The following SUCLG2 variants were observed in gnomAD, a reference collection of about 807,000 sequenced individuals.
The protein encoded by SUCLG2 is succinate-CoA ligase GDP-forming subunit beta.
SUCLG2 carries 42 observed loss-of-function variants against 47.9 expected under a neutral mutation model. The observed-to-expected ratio is 0.88, with a 90% CI of 0.69 to 1.14. The LOEUF (loss-of-function observed/expected upper bound fraction) is 1.14. Ranked by LOEUF, SUCLG2 falls within the 50% of genes most tolerant of loss-of-function variation. The pLI is 0.00. For missense variants in SUCLG2, 571 were observed against 525.9 expected, an observed-to-expected ratio of 1.09 and a Z score of -0.84; for synonymous variants, 195 against 197.3, an observed-to-expected ratio of 0.99 and a Z score of 0.10.
At chr3:67,432,843 C>G (rs950405153) in intron 9 of SUCLG2, among the ~76,000 whole-genome samples, 4 of 152,172 alleles carry the variant, frequency 2.6e-5, no homozygotes, top group African/African-American at 9.7e-5. Flanking sequence ...CGAAATGGAA[C>G]CTTTGTTATT....
chr3:67,649,087 G>C (rs1412853418), intron 1 of SUCLG2, among the ~76,000 whole-genome samples: 1 of 152,164 alleles, frequency 6.6e-6, no homozygotes, highest in Admixed American at 6.5e-5. Context: ...AAGGTAATTA[G>C]GAAAAAGCCT....
chr3:67,388,285 A>C (rs1039352250), intron 10 of SUCLG2, among the ~76,000 whole-genome samples: 12 of 152,202 alleles, frequency 7.9e-5, no homozygotes, highest in African/African-American at 2.9e-4. Flanking sequence ...TTACCGTAAG[A>C]ATCTGGGATC....
intron 2 of SUCLG2, among the ~76,000 whole-genome samples, chr3:67,560,302 C>T (rs935276322): frequency 6.6e-6 from 1 of 152,190 alleles, no homozygotes; most frequent in African/African-American, 2.4e-5. Flanking sequence ...GCTTCACAGC[C>T]TCAGAAGGGC....
chr3:67,613,210 A>G (rs561131624), intron 1 of SUCLG2, among the ~76,000 whole-genome samples: 2 of 152,180 alleles, frequency 1.3e-5, no homozygotes, highest in Admixed American at 1.3e-4. Flanking sequence ...GATGGAACCG[A>G]AAGTCCCAAC....
downstream of SUCLG2, among the ~76,000 whole-genome samples, chr3:67,371,295 A>G (rs1412939221): frequency 7.2e-5 from 11 of 152,238 alleles, no homozygotes; most frequent in Admixed American, 7.2e-4. Flanking sequence ...GAAATTTGGC[A>G]TAAGGTGCCT....
At chr3:67,589,846 T>C (rs1443181745) in intron 2 of SUCLG2, among the ~76,000 whole-genome samples, 2 of 152,282 alleles carry the variant, frequency 1.3e-5, no homozygotes, top group African/African-American at 4.8e-5. Flanking sequence ...GTGCTACATG[T>C]TCCTGCACTA....
rs201561209 is a variant in SUCLG2 at position 67,548,485 on chromosome 3, TTATTAGAGTTTAAAAA to T, written c.227-19315_227-19300del. Among the ~76,000 whole-genome samples the T allele has an allele frequency of 9.6e-4, 146 of 152,328 alleles. 1 individual carries two copies. The East Asian group carries it at 0.024, about 25-fold the overall frequency. On this transcript the variant is annotated intron_variant, in intron 2 of 10. Transcript: ENST00000307227. ...TTAAACTCTTCAGTATCCATATCAGTTATTAGAGTTTAAAAATATTAGAGTTTAAAAATATTAATTT... is the reference window on the plus strand; with the variant it reads ...TTAAACTCTTCAGTATCCATATCAGTTATTAGAGTTTAAAAATATTAATTT...
At chr3:67,525,105 T>C (rs1001609687) in intron 4 of SUCLG2, among the ~76,000 whole-genome samples, 2 of 152,044 alleles carry the variant, frequency 1.3e-5, no homozygotes, top group Non-Finnish European at 2.9e-5. Flanking sequence ...CTGAAAACAA[T>C]ACAATGCTGA....
intron 9 of SUCLG2, among the ~76,000 whole-genome samples, chr3:67,454,701 G>T (rs1162215355): frequency 6.6e-6 from 1 of 152,144 alleles, no homozygotes. Flanking sequence ...GGTGGCTCAT[G>T]CCTGTAATCC....
chr3:67,430,412 G>C (rs1395987845), intron 9 of SUCLG2, among the ~76,000 whole-genome samples: 5 of 152,100 alleles, frequency 3.3e-5, no homozygotes, highest in Admixed American at 1.3e-4. Context: ...TGAGAACAAA[G>C]ACACAACATA....
chr3:67,444,010 TGG>T (rs1331316579), intron 9 of SUCLG2, among the ~76,000 whole-genome samples: 1 of 84,808 alleles, frequency 1.2e-5, no homozygotes, highest in African/African-American at 4.3e-5. Flanking sequence ...GGGAGGGAGG[TGG>T]GGGGGTCAGC....
intron 2 of SUCLG2, among the ~76,000 whole-genome samples, chr3:67,567,036 T>C (rs987597758): frequency 4.0e-5 from 6 of 151,876 alleles, no homozygotes; most frequent in Non-Finnish European, 5.9e-5. Context: ...ACAAAAAAAT[T>C]AGCTGCCCAT....
At chr3:67,508,944 A>G in intron 6 of SUCLG2, 41 bp from the exon 7 acceptor site, 1 of 1,450,192 alleles carries the variant, frequency 6.9e-7, no homozygotes, top group Non-Finnish European at 9.4e-7. Context: ...CCAAAGCAGT[A>G]AAAGAAAATT....
intron 2 of SUCLG2, among the ~76,000 whole-genome samples, chr3:67,599,476 C>T (rs958449782): frequency 1.3e-5 from 2 of 152,122 alleles, no homozygotes; most frequent in African/African-American, 2.4e-5. Context: ...AGTGTCTCAA[C>T]GGGATCCAGG....
intron 4 of SUCLG2, among the ~76,000 whole-genome samples, chr3:67,521,618 A>T (rs1575752025): frequency 1.3e-5 from 2 of 149,794 alleles, no homozygotes; most frequent in African/African-American, 5.1e-5. Context: ...TTTTTTTTAA[A>T]AAAAGACAGA....
chr3:67,588,409 C>A (rs997123907), intron 2 of SUCLG2, among the ~76,000 whole-genome samples: 7 of 152,256 alleles, frequency 4.6e-5, no homozygotes, highest in Admixed American at 1.3e-4. Context: ...ATATCTGACA[C>A]CCCAACTGTT....
At chr3:67,555,820 G>C (rs1168804309) in intron 2 of SUCLG2, among the ~76,000 whole-genome samples, 1 of 152,138 alleles carries the variant, frequency 6.6e-6, no homozygotes, top group East Asian at 1.9e-4. Flanking sequence ...AGGTAGACAA[G>C]GACCATGATA....
Position 67,520,624 on chromosome 3 carries a change from G to A in SUCLG2, c.428C>T (p.Ala143Val). ...TTCTCTGGAAATATCCAAGGCTTCA[G>A]CAACCATCACCTACCACATTAGTGG... Reference protein sequence around the residue: ...EGVKVNKVMVAEALDISRETY... With the variant: ...EGVKVNKVMVVEALDISRETY... Residue 143 changes from alanine to valine, a missense_variant, in exon 5 of 11, where the codon GCT (alanine) becomes GTT (valine). Physicochemically the swap from Ala to Val is moderately conservative, Grantham distance 64. Coordinates refer to ENST00000307227, the MANE Select transcript of SUCLG2 (RefSeq NM_003848.4). The A allele has an allele frequency of 6.2e-7, 1 of 1,611,784 alleles. No homozygotes were observed. Among genetic ancestry groups the A allele is most frequent in the Non-Finnish European group, 8.5e-7 (1 of 1,179,216 alleles).
At chr3:67,403,061 T>G (rs1378754731) in intron 9 of SUCLG2, among the ~76,000 whole-genome samples, 1 of 152,128 alleles carries the variant, frequency 6.6e-6, no homozygotes, top group East Asian at 1.9e-4. Flanking sequence ...CCCATGAGTC[T>G]CTCATGTGTT....
Sources: allele counts gnomAD v4.1 joint callset (sites outside exome capture counted in the v4.1 genomes callset), GRCh38; gene constraint gnomAD v4.1.1; transcripts MANE v1.5; gene names NCBI Gene and HGNC (gene_info 2026-07-23, HGNC 2026-07-21).